Variants in THEMIS observed in about 807,000 individuals in gnomAD.
THEMIS encodes the protein protein THEMIS.
A neutral mutation model predicts 52.6 loss-of-function variants in THEMIS; 37 were observed. That is an observed-to-expected ratio of 0.70 (90% CI 0.54 to 0.93). The LOEUF is 0.93. Ranked by LOEUF, THEMIS falls within the 40% of genes least tolerant of loss-of-function variation. The pLI is 0.00. For synonymous variants in THEMIS, 292 were observed against 272.7 expected (o/e 1.07, Z -0.70); for missense variants, 808 against 763.1 (o/e 1.06, Z -0.69).
At chr6:127,738,510 C>G (rs528483612) in intron 4 of THEMIS, among the ~76,000 whole-genome samples, 1 of 152,266 alleles carries the variant, frequency 6.6e-6, no homozygotes, top group East Asian at 1.9e-4. Flanking sequence ...TTCTCTAACT[C>G]CTCTATAACT....
intron 4 of THEMIS, among the ~76,000 whole-genome samples, chr6:127,740,506 T>G (rs1775164218): frequency 6.6e-6 from 1 of 152,212 alleles, no homozygotes; most frequent in Non-Finnish European, 1.5e-5. Flanking sequence ...TCAGTCCAAC[T>G]GGTTCTCCTG....
intron 1 of THEMIS, among the ~76,000 whole-genome samples, chr6:127,890,401 A>G (rs1562323966): frequency 1.3e-5 from 2 of 152,148 alleles, no homozygotes; most frequent in Admixed American, 6.5e-5. Flanking sequence ...TGGAGGGAAG[A>G]GAGTAGAATG....
chr6:127,761,161 A>G (rs1021466507), intron 4 of THEMIS, among the ~76,000 whole-genome samples: 3 of 152,184 alleles, frequency 2.0e-5, no homozygotes, highest in African/African-American at 2.4e-5. Flanking sequence ...ATGAGATAAC[A>G]TCTCACACCT....
chr6:127,823,504 T>C lies in THEMIS; in HGVS notation c.709+5972A>G, dbSNP rs956371543. Among the ~76,000 whole-genome samples, 3 of 152,186 alleles carry C rather than the reference T, an allele frequency of 2.0e-5. 1 individual carries two copies. Among genetic ancestry groups the C allele is most frequent in the Admixed American group, 2.0e-4 (3 of 15,278 alleles). On this transcript the variant is annotated intron_variant, in intron 3 of 5. Transcript: ENST00000368248. ...ATACACGCATAAACAATGTGTTACTTGCTTTATTCATTCTTTCATGTACTT... is the reference window on the plus strand; with the variant it reads ...ATACACGCATAAACAATGTGTTACTCGCTTTATTCATTCTTTCATGTACTT...
At chr6:127,700,493 C>T in the THEMIS span, among the ~76,000 whole-genome samples, 1 of 151,924 alleles carries the variant, frequency 6.6e-6, no homozygotes, top group African/African-American at 2.4e-5. Flanking sequence ...TTGAATACTG[C>T]AAAAGACAAG....
chr6:127,743,324 A>G (rs1775272853), intron 4 of THEMIS, among the ~76,000 whole-genome samples: 1 of 152,130 alleles, frequency 6.6e-6, no homozygotes, highest in Non-Finnish European at 1.5e-5. Context: ...AAATGCCATC[A>G]CCCTCAATTT....
intron 5 of THEMIS, among the ~76,000 whole-genome samples, chr6:127,714,551 A>G (rs544975610): frequency 1.3e-5 from 2 of 152,066 alleles, no homozygotes; most frequent in East Asian, 3.9e-4. Flanking sequence ...AGATCCCAAG[A>G]ATATGTATTT....
Position 127,855,191 on chromosome 6 carries a change from A to G in THEMIS, c.92-3T>C, listed in dbSNP as rs776615714. 1 of 1,576,372 alleles carries G rather than the reference A, an allele frequency of 6.3e-7. No homozygotes were observed. The highest frequency in any genetic ancestry group is 8.6e-7 in the Non-Finnish European group (1 of 1,166,098). ...TCCAAACATTTCATAAATAGAGCCTAAAAGGAAAGAAAAGTTAAAACAGCT... is the reference window on the plus strand; with the variant it reads ...TCCAAACATTTCATAAATAGAGCCTGAAAGGAAAGAAAAGTTAAAACAGCT... On this transcript the variant is annotated splice_region_variant and splice_polypyrimidine_tract_variant and intron_variant, in intron 1 of 5. Transcript: ENST00000368248.
chr6:127,870,517 G>A (rs553087734), intron 1 of THEMIS, among the ~76,000 whole-genome samples: 3 of 152,016 alleles, frequency 2.0e-5, no homozygotes, highest in African/African-American at 4.8e-5. Flanking sequence ...TACATTAAAC[G>A]TACCTGATTT....
At chr6:127,909,294 T>C (rs947211470) in intron 1 of THEMIS, among the ~76,000 whole-genome samples, 2 of 152,098 alleles carry the variant, frequency 1.3e-5, no homozygotes, top group African/African-American at 2.4e-5. Context: ...TGTCCCCACC[T>C]AAGACTCACC....
At chr6:127,825,154 A>T (rs935036255) in intron 3 of THEMIS, among the ~76,000 whole-genome samples, 12 of 152,226 alleles carry the variant, frequency 7.9e-5, no homozygotes, top group Admixed American at 7.2e-4. Context: ...TATAAAATAG[A>T]AAAGAAAAAA....
At chr6:127,810,871 G>GA (rs36037018) in intron 4 of THEMIS, among the ~76,000 whole-genome samples, 42,609 of 144,560 alleles carry the variant, frequency 0.29, 7,037 homozygotes, top group Non-Finnish European at 0.4. Context: ...CAGTAGGCTG[G>GA]AAAAAAAAAA....
chr6:127,849,733 A>G (rs1779354840), intron 2 of THEMIS, among the ~76,000 whole-genome samples: 1 of 152,076 alleles, frequency 6.6e-6, no homozygotes, highest in Non-Finnish European at 1.5e-5. Flanking sequence ...CATGTTATAC[A>G]AAAATCAACT....
intron 1 of THEMIS, among the ~76,000 whole-genome samples, chr6:127,889,854 A>G (rs1444432937): frequency 4.6e-5 from 7 of 152,114 alleles, no homozygotes; most frequent in African/African-American, 1.7e-4. Flanking sequence ...GAATTGTTAT[A>G]ATCTAATTCT....
intron 4 of THEMIS, among the ~76,000 whole-genome samples, chr6:127,722,642 T>C (rs1774400863): frequency 6.6e-6 from 1 of 152,022 alleles, no homozygotes; most frequent in Admixed American, 6.6e-5. Context: ...TGCCTGCTTA[T>C]TCTTCCTCAT....
intron 4 of THEMIS, among the ~76,000 whole-genome samples, chr6:127,797,202 G>T (rs1562263305): frequency 6.6e-6 from 1 of 152,262 alleles, no homozygotes; most frequent in East Asian, 1.9e-4. Flanking sequence ...AAGAAGAAAG[G>T]ATATACACTC....
chr6:127,720,385 A>C (rs889925970), intron 4 of THEMIS, among the ~76,000 whole-genome samples: 4 of 151,950 alleles, frequency 2.6e-5, no homozygotes, highest in Non-Finnish European at 4.4e-5. Context: ...AATGGTCCCT[A>C]TAACTCATCT....
chr6:127,722,062 T>C (rs569916181), intron 4 of THEMIS, among the ~76,000 whole-genome samples: 80 of 152,158 alleles, frequency 5.3e-4, no homozygotes, highest in African/African-American at 1.9e-3. Flanking sequence ...AGGTTCTGTA[T>C]TGTAAAGGTT....
At chr6:127,713,570 A>G (rs1300169310) in intron 5 of THEMIS, among the ~76,000 whole-genome samples, 2 of 151,884 alleles carry the variant, frequency 1.3e-5, no homozygotes, top group South Asian at 2.1e-4. Context: ...TATGTTAGAG[A>G]GCACAAAGGA....
Sources: allele counts gnomAD v4.1 joint callset (sites outside exome capture counted in the v4.1 genomes callset), GRCh38; gene constraint gnomAD v4.1.1; transcripts MANE v1.5; gene names NCBI Gene and HGNC (gene_info 2026-07-23, HGNC 2026-07-21).